Variants in DAPL1 observed in about 807,000 individuals in gnomAD.
DAPL1 encodes the protein death associated protein like 1, also known as death-associated protein-like 1.
Under a neutral mutation model 12.9 loss-of-function variants are expected in DAPL1, and 17 were observed. The observed-to-expected ratio is 1.32, with a 90% CI of 0.90 to 1.98. DAPL1 has a LOEUF of 1.98. Ranked by LOEUF, DAPL1 falls within the 30% of genes most tolerant of loss-of-function variation. The pLI is 0.00. For synonymous variants in DAPL1, 51 were observed against 42.0 expected, an observed-to-expected ratio of 1.21 and a Z score of -0.82; for missense variants, 157 against 125.7, an observed-to-expected ratio of 1.25 and a Z score of -1.19.
At chr2:158,795,615 A>G (rs1056335119) in intron 1 of DAPL1, among the ~76,000 whole-genome samples, 185 bp downstream of exon 1, 2 of 152,094 alleles carry the variant, frequency 1.3e-5, no homozygotes, top group Admixed American at 1.3e-4. Flanking sequence ...CCACCCGGGG[A>G]TTTGTCAGAC....
intron 2 of DAPL1, among the ~76,000 whole-genome samples, chr2:158,804,581 C>T (rs1049621630): frequency 6.6e-6 from 1 of 152,150 alleles, no homozygotes; most frequent in African/African-American, 2.4e-5. Context: ...GAGAGGGCTC[C>T]CATCACGACC....
At chr2:158,804,218 T>G in intron 1 of DAPL1, 64 bp from the exon 2 acceptor site, 1 of 1,116,096 alleles carries the variant, frequency 9.0e-7, no homozygotes, top group Non-Finnish European at 1.3e-6. Context: ...AGTCATACCT[T>G]TAATAACAAA....
At chr2:158,802,833 A>G (rs1253085942) in intron 1 of DAPL1, among the ~76,000 whole-genome samples, 1 of 152,218 alleles carries the variant, frequency 6.6e-6, no homozygotes, top group Non-Finnish European at 1.5e-5. Flanking sequence ...ATTCTGGATC[A>G]AGACACCTCT....
chr2:158,804,454 T>C, intron 2 of DAPL1, 85 bp downstream of exon 2: 6 of 907,778 alleles, frequency 6.6e-6, no homozygotes, highest in East Asian at 3.0e-5. Context: ...AAACCAAGGC[T>C]CCCTATGCCT....
intron 1 of DAPL1, among the ~76,000 whole-genome samples, chr2:158,797,958 G>C (rs778388701): frequency 2.0e-4 from 31 of 152,214 alleles, no homozygotes; most frequent in South Asian, 6.2e-4. Flanking sequence ...AACACAAGGT[G>C]GCCTGGGCTC....
chr2:158,809,365 A>AAAAAAAAAAAG lies in DAPL1; in HGVS notation c.207+2253_207+2254insAAAAAAAGAAA, dbSNP rs1418711190. 8.0e-5 allele frequency among the ~76,000 whole-genome samples: 12 copies of AAAAAAAAAAAG among 150,610 alleles called. 1 individual carries two copies. The highest frequency in any genetic ancestry group is 6.3e-3 in the Middle Eastern group (2 of 316). ...AGAGCGAGACTCCATCTCAAAAAAA[A>AAAAAAAAAAAG]AAAGAAATATTTTTAACAGAAACTA... On this transcript the variant is annotated intron_variant, in intron 3 of 3. Transcript: ENST00000309950.
At chr2:158,803,652 T>C (rs751214826) in intron 1 of DAPL1, among the ~76,000 whole-genome samples, 5 of 152,242 alleles carry the variant, frequency 3.3e-5, no homozygotes, top group African/African-American at 7.2e-5. Flanking sequence ...TTAACACTAA[T>C]TGATCACTTG....
At chr2:158,815,114 A>C (rs189329764) in intron 3 of DAPL1, among the ~76,000 whole-genome samples, 3 of 152,300 alleles carry the variant, frequency 2.0e-5, no homozygotes, top group Admixed American at 2.0e-4. Flanking sequence ...TCTTCTGTGG[A>C]GAAGACTAAT....
At chr2:158,808,809 C>A (rs1213484263) in intron 3 of DAPL1, among the ~76,000 whole-genome samples, 2 of 152,096 alleles carry the variant, frequency 1.3e-5, no homozygotes, top group Non-Finnish European at 2.9e-5. Flanking sequence ...AGACATGTTC[C>A]CCTAAAATAT....
At chr2:158,813,370 CT>C (rs1262485411) in intron 3 of DAPL1, among the ~76,000 whole-genome samples, 1 of 152,150 alleles carries the variant, frequency 6.6e-6, no homozygotes, top group Non-Finnish European at 1.5e-5. Flanking sequence ...TGTACACACA[CT>C]TTAAAATGGT....
At chr2:158,809,374 A>AAAAAAAAAAAAAAT (rs2059218575) in intron 3 of DAPL1, among the ~76,000 whole-genome samples, 1 of 148,968 alleles carries the variant, frequency 6.7e-6, no homozygotes, top group Non-Finnish European at 1.5e-5. Flanking sequence ...AAAAAGAAAT[A>AAAAAAAAAAAAAAT]TTTTTAACAG....
intron 3 of DAPL1, among the ~76,000 whole-genome samples, chr2:158,809,284 G>A (rs1010753275): frequency 4.9e-5 from 7 of 144,016 alleles, no homozygotes; most frequent in Non-Finnish European, 9.0e-5. Flanking sequence ...CTTGAACCCG[G>A]GAGGTGGAGG....
chr2:158,809,306 C>G (rs1428677250), intron 3 of DAPL1, among the ~76,000 whole-genome samples: 1 of 141,620 alleles, frequency 7.1e-6, no homozygotes, highest in Admixed American at 7.5e-5. Flanking sequence ...TGCAGTGAGC[C>G]GAGATCACGC....
chr2:158,812,975 AAC>A (rs2059239604), intron 3 of DAPL1, among the ~76,000 whole-genome samples: 2 of 152,104 alleles, frequency 1.3e-5, no homozygotes, highest in South Asian at 4.2e-4. Context: ...AAGAGATCCT[AAC>A]CAAGTATTCA....
chr2:158,810,874 A>G (rs1033600263), intron 3 of DAPL1, among the ~76,000 whole-genome samples: 8 of 152,162 alleles, frequency 5.3e-5, no homozygotes, highest in African/African-American at 1.9e-4. Flanking sequence ...ATCAAGTTCC[A>G]CCCACTACTT....
intron 1 of DAPL1, among the ~76,000 whole-genome samples, chr2:158,801,323 T>G (rs1158947651): frequency 6.6e-6 from 1 of 152,196 alleles, no homozygotes; most frequent in East Asian, 1.9e-4. Context: ...TGAAAAATAC[T>G]GTTGGGAGGT....
chr2:158,796,361 G>C (rs2059134567), intron 1 of DAPL1, among the ~76,000 whole-genome samples: 1 of 152,188 alleles, frequency 6.6e-6, no homozygotes, highest in Non-Finnish European at 1.5e-5. Context: ...TTCACAGAGA[G>C]TCAAAATGTA....
chr2:158,796,997 C>G (rs1407187837), intron 1 of DAPL1, among the ~76,000 whole-genome samples: 1 of 152,334 alleles, frequency 6.6e-6, no homozygotes, highest in South Asian at 2.1e-4. Context: ...TGTCTTGCCA[C>G]TAATTTTAAG....
At chr2:158,804,109 C>T (rs1043577120) in intron 1 of DAPL1, among the ~76,000 whole-genome samples, 173 bp from the exon 2 acceptor site, 2 of 140,846 alleles carry the variant, frequency 1.4e-5, no homozygotes, top group Non-Finnish European at 3.1e-5. Context: ...TCCACCCACA[C>T]CTGGTTTGCC....
Sources: allele counts gnomAD v4.1 joint callset (sites outside exome capture counted in the v4.1 genomes callset), GRCh38; gene constraint gnomAD v4.1.1; transcripts MANE v1.5; gene names NCBI Gene and HGNC (gene_info 2026-07-23, HGNC 2026-07-21).